EFNA2: variants seen among roughly 807,000 people sequenced by gnomAD.
The protein encoded by EFNA2 is ephrin A2, also known as ephrin-A2.
A neutral mutation model predicts 19.7 loss-of-function variants in EFNA2; 18 were observed. That is an observed-to-expected ratio of 0.91 (90% CI 0.63 to 1.35). The LOEUF is 1.35. EFNA2 is among the 40% of genes most tolerant of loss of function. EFNA2 has a pLI of 0.00. For synonymous variants in EFNA2, 187 were observed against 137.8 expected (o/e 1.36, Z -2.50); for missense variants, 303 against 296.0 (o/e 1.02, Z -0.17).
rs1278429380 is a variant in EFNA2 at position 1,296,858 on chromosome 19, G to A, written c.454+1000G>A. ...ATAGTCACATCTGCAGGACCCCATG[G>A]TGGGCCAGGCTGGGTGGGCCAGGCT... On this transcript the variant is annotated intron_variant, in intron 2 of 3. Transcript: ENST00000215368. This position sits in a 1 kb window ranked among gnomAD's most constrained non-coding sequence, Gnocchi z 4.4. Among the ~76,000 whole-genome samples, 1 of 152,224 alleles carries A rather than the reference G, an allele frequency of 6.6e-6. No individual in the cohort carries two copies. Among genetic ancestry groups the A allele is most frequent in the Non-Finnish European group, 1.5e-5 (1 of 68,034 alleles).
In EFNA2 at chr19:1,287,325, CAG is replaced by C. The variant is rs1291430605; in HGVS notation, c.140+1018_140+1019del. Among the ~76,000 whole-genome samples the C allele has an allele frequency of 6.6e-6, 1 of 152,086 alleles. No individual in the cohort carries two copies. The highest frequency in any genetic ancestry group is 1.5e-5 in the Non-Finnish European group (1 of 68,002). On this transcript the variant is annotated intron_variant, in intron 1 of 3. Coordinates refer to ENST00000215368, the MANE Select transcript of EFNA2 (RefSeq NM_001405.4). The surrounding 1 kb of genome is among the most constrained non-coding windows in gnomAD (Gnocchi z 6.2). ...TCGGGAGGGAGTCAGCCCCAGCACT[CAG>C]GGTGTCACCGTCTTCCTAAGGCACA...
At position 1,300,141 on chromosome 19, in the gene EFNA2, G is replaced by C. The variant is rs2081534424; in HGVS notation, c.*196G>C. On this transcript the variant is annotated 3_prime_UTR_variant, in exon 4 of 4. Transcript: ENST00000215368. ...CAGCCCTCAGGGAGGGGAAACGGCC[G>C]AGAGCCCCCCCCCGGAGGCCCGAGG... 2.8e-6 allele frequency: 2 copies of C among 718,982 alleles called. No homozygotes were observed. The highest frequency in any genetic ancestry group is 4.1e-6 in the Non-Finnish European group (2 of 483,834). The allele number at this position is 718,982 out of a possible 1,614,324, so 44.5% of individuals were successfully genotyped here. A position where few individuals can be genotyped will look rare whatever the true frequency, so the allele number is the denominator to read the frequency against.
intron 1 of EFNA2, among the ~76,000 whole-genome samples, chr19:1,288,104 C>A (rs185695324): frequency 2.6e-5 from 4 of 152,250 alleles, no homozygotes; most frequent in African/African-American, 4.8e-5. Flanking sequence ...TGGGCAGCAC[C>A]GAGGCTGCCT....
chr19:1,290,584 C>T (rs1427551987), intron 1 of EFNA2, among the ~76,000 whole-genome samples: 1 of 152,128 alleles, frequency 6.6e-6, no homozygotes, highest in Non-Finnish European at 1.5e-5. Context: ...AGCCGGTGGT[C>T]TCCTTGTCAT....
In EFNA2 at chr19:1,286,279, C is replaced by A. The variant is rs530360125; in HGVS notation, c.111C>A (p.Tyr37Ter). 4.6e-6 allele frequency: 5 copies of A among 1,085,688 alleles called. No homozygotes were observed. The highest frequency in any genetic ancestry group is 5.6e-6 in the Non-Finnish European group (5 of 887,362). The allele number at this position is 1,085,688 out of a possible 1,614,324, so 67.3% of individuals were successfully genotyped here. Residue 37 changes from tyrosine to a stop codon, truncating the protein, a stop_gained, in exon 1 of 4, where the codon TAC becomes TAA. Transcript: ENST00000215368. LOFTEE classifies it high-confidence loss of function. This position sits in a 1 kb window ranked among gnomAD's most constrained non-coding sequence, Gnocchi z 5.6. Reference protein sequence around the residue: ...EDAARANSDRYAVYWNRSNPR... With the variant: ...EDAARANSDR ...CCGCCCGCGCCAACTCGGACCGCTACGCCGTCTACTGGAACCGCAGCAACC... is the reference window on the plus strand; with the variant it reads ...CCGCCCGCGCCAACTCGGACCGCTAAGCCGTCTACTGGAACCGCAGCAACC...
chr19:1,300,241 A>AT lies in EFNA2; in HGVS notation c.*331dup, dbSNP rs58281257. On this transcript the variant is annotated 3_prime_UTR_variant, in exon 4 of 4. Transcript: ENST00000215368. ...CGGAGAACCCGGGAACCTCTTGGCGATTTTTTTTTTTTTTTTTTTTTTTTT... is the reference window on the plus strand; with the variant it reads ...CGGAGAACCCGGGAACCTCTTGGCGATTTTTTTTTTTTTTTTTTTTTTTTTT... The AT allele has an allele frequency of 0.037, 1,596 of 42,582 alleles. 198 individuals are homozygous for AT. Among genetic ancestry groups the AT allele is most frequent in the East Asian group, 0.14 (66 of 476 alleles). The allele number at this position is 42,582 out of a possible 1,614,324, so 2.6% of individuals were successfully genotyped here.
At chr19:1,292,859 C>G (rs1021466681) in intron 1 of EFNA2, among the ~76,000 whole-genome samples, 8 of 152,192 alleles carry the variant, frequency 5.3e-5, no homozygotes, top group Admixed American at 4.6e-4. Flanking sequence ...CCTGGCCGCT[C>G]AGCCACACAG....
rs1006904103 is a variant in EFNA2, at chr19:1,287,668, C to A, written c.140+1360C>A. 6.6e-6 allele frequency among the ~76,000 whole-genome samples: 1 copy of A among 151,946 alleles called. No homozygotes were observed. Among genetic ancestry groups the A allele is most frequent in the South Asian group, 2.1e-4 (1 of 4,822 alleles). ...GGGGCTGAGGGCAGGGACCCCGGGCCGCTGGGGGACGGCTGGCCCACCTCA... is the reference window on the plus strand; with the variant it reads ...GGGGCTGAGGGCAGGGACCCCGGGCAGCTGGGGGACGGCTGGCCCACCTCA... On this transcript the variant is annotated intron_variant, in intron 1 of 3. Coordinates refer to ENST00000215368, the MANE Select transcript of EFNA2 (RefSeq NM_001405.4). The surrounding 1 kb of genome is among the most constrained non-coding windows in gnomAD (Gnocchi z 6.2).
rs754825977 is a variant in EFNA2 at position 1,299,967 on chromosome 19, A to G, written c.*22A>G. ...CTAGTCCCAGCCCCGCAGGACGCCG[A>G]CCCTGCCTGGACGGCCCCGCCTGGA... is the stretch of plus-strand genomic sequence containing the variant. On this transcript the variant is annotated 3_prime_UTR_variant, in exon 4 of 4. Coordinates refer to ENST00000215368, the MANE Select transcript of EFNA2 (RefSeq NM_001405.4). 3 of 1,568,956 alleles carry G rather than the reference A, an allele frequency of 1.9e-6. No homozygotes were observed. The highest frequency in any genetic ancestry group is 2.3e-5 in the East Asian group (1 of 42,950).
Position 1,295,695 on chromosome 19 carries a change from G to C in EFNA2, c.291G>C (p.Glu97Asp), listed in dbSNP as rs2081511014. Reference sequence around the variant, plus strand: ...ACGTGCTGTACATGGTCAACGGCGAGGGCCACGCCTCCTGCGACCACCGCC... The same window carrying C: ...ACGTGCTGTACATGGTCAACGGCGACGGCCACGCCTCCTGCGACCACCGCC... ...EHYVLYMVNGEGHASCDHRQR... is the reference protein window; with the variant it reads ...EHYVLYMVNGDGHASCDHRQR... Residue 97 changes from glutamate (E) to aspartate (D), a missense_variant, in exon 2 of 4, where the codon GAG (glutamate) becomes GAC (aspartate). By Grantham distance (45) the Glu-to-Asp change is conservative. Coordinates refer to ENST00000215368, the MANE Select transcript of EFNA2 (RefSeq NM_001405.4). This position sits in a 1 kb window ranked among gnomAD's most constrained non-coding sequence, Gnocchi z 5.8. The C allele has an allele frequency of 6.2e-7, 1 of 1,608,516 alleles. No individual in the cohort carries two copies. Among genetic ancestry groups the C allele is most frequent in the South Asian group, 1.1e-5 (1 of 90,380 alleles).
chr19:1,288,914 C>T (rs1252329555), intron 1 of EFNA2, among the ~76,000 whole-genome samples: 1 of 152,216 alleles, frequency 6.6e-6, no homozygotes, highest in African/African-American at 2.4e-5. Flanking sequence ...CCAGCCGACC[C>T]GCATCGGGCT....
In EFNA2 at chr19:1,291,357, C is replaced by T. The variant is rs142814098; in HGVS notation, c.141-4188C>T. ...TTTCTTGGGCAGACCTTGCACCATC[C>T]CGGGGACTGATTTCCCTTCAGGTCC... On this transcript the variant is annotated intron_variant, in intron 1 of 3. Transcript: ENST00000215368. 5.3e-3 allele frequency among the ~76,000 whole-genome samples: 813 copies of T among 152,336 alleles called. 6 individuals carry two copies. The highest frequency in any genetic ancestry group is 0.01 in the Middle Eastern group (3 of 294).
chr19:1,290,377 C>T (rs143934845), intron 1 of EFNA2, among the ~76,000 whole-genome samples: 1,907 of 152,292 alleles, frequency 0.013, 20 homozygotes, highest in Middle Eastern at 0.061. Flanking sequence ...CCTCCCTGGG[C>T]GGCCTCAGTT....
At position 1,286,402 on chromosome 19, in the gene EFNA2, CA is replaced by C; in HGVS notation, c.140+95del. 1 of 506,334 alleles carries C rather than the reference CA, an allele frequency of 2.0e-6. No homozygotes were observed. Among genetic ancestry groups the C allele is most frequent in the Non-Finnish European group, 2.5e-6 (1 of 395,042 alleles). The allele number at this position is 506,334 out of a possible 1,614,324, so 31.4% of individuals were successfully genotyped here. On this transcript the variant is annotated intron_variant, in intron 1 of 3. Coordinates refer to ENST00000215368, the MANE Select transcript of EFNA2 (RefSeq NM_001405.4). The surrounding 1 kb of genome is among the most constrained non-coding windows in gnomAD (Gnocchi z 5.6). ...CGCCCCCGGAGCTCCGGGCGCCCCC[CA>C]CGCGCGCGCCGCCGCCGGGATGCGG...
intron 1 of EFNA2, among the ~76,000 whole-genome samples, chr19:1,288,818 G>A (rs955998056): frequency 1.3e-5 from 2 of 152,130 alleles, no homozygotes; most frequent in African/African-American, 4.8e-5. Flanking sequence ...CACTCCCACC[G>A]GTGACTGCAC....
In EFNA2 at chr19:1,287,380, G is replaced by GCC. The variant is rs202192520; in HGVS notation, c.140+1080_140+1081dup. On this transcript the variant is annotated intron_variant, in intron 1 of 3. Transcript: ENST00000215368. This position sits in a 1 kb window ranked among gnomAD's most constrained non-coding sequence, Gnocchi z 6.2. ...GAGCTGCACATCGGGGGCTGAGGCG[G>GCC]CCCCCCCCCACTCTTCTGCTACTGG... Among the ~76,000 whole-genome samples the GCC allele has an allele frequency of 7.3e-5, 11 of 150,694 alleles. No individual in the cohort carries two copies. Among genetic ancestry groups the GCC allele is most frequent in the African/African-American group, 2.4e-4 (10 of 40,990 alleles).
chr19:1,284,471 G>C (rs3760989), upstream of EFNA2, among the ~76,000 whole-genome samples: 5 of 152,356 alleles, frequency 3.3e-5, no homozygotes, highest in East Asian at 9.7e-4. This position sits in a 1 kb window ranked among gnomAD's most constrained non-coding sequence, Gnocchi z 5.3. Context: ...TAGAGCACTG[G>C]GTGGGACAGA....
At chr19:1,291,643 C>T (rs150764502) in intron 1 of EFNA2, among the ~76,000 whole-genome samples, 132 of 152,362 alleles carry the variant, frequency 8.7e-4, no homozygotes, top group Admixed American at 5.7e-3. Context: ...TGCCCACCCA[C>T]GGGGTCCTGG....
rs1029862685 is a variant in EFNA2, at chr19:1,287,360, G to A, written c.140+1052G>A. Among the ~76,000 whole-genome samples the A allele has an allele frequency of 5.9e-5, 9 of 152,092 alleles. No individual in the cohort carries two copies. Among genetic ancestry groups the A allele is most frequent in the African/African-American group, 1.9e-4 (8 of 41,404 alleles). On this transcript the variant is annotated intron_variant, in intron 1 of 3. Coordinates refer to ENST00000215368, the MANE Select transcript of EFNA2 (RefSeq NM_001405.4). The surrounding 1 kb of genome is among the most constrained non-coding windows in gnomAD (Gnocchi z 6.2). The stretch of plus-strand genomic sequence containing the variant: ...CCGTCTTCCTAAGGCACACGGAGCT[G>A]CACATCGGGGGCTGAGGCGGCCCCC...
Sources: allele counts gnomAD v4.1 joint callset (sites outside exome capture counted in the v4.1 genomes callset), GRCh38; gene constraint gnomAD v4.1.1; non-coding constraint Gnocchi (gnomAD v3.1); transcripts MANE v1.5; gene names NCBI Gene and HGNC (gene_info 2026-07-23, HGNC 2026-07-21).